TRIM37: variants seen among roughly 807,000 people sequenced by gnomAD.
The protein encoded by TRIM37 is E3 ubiquitin-protein ligase TRIM37.
Under a neutral mutation model 129.8 loss-of-function variants are expected in TRIM37, and 80 were observed. The ratio of observed to expected loss-of-function variants is 0.62; its 90% CI spans 0.51 to 0.74. TRIM37 has a LOEUF of 0.74. Ranked by LOEUF, TRIM37 falls within the 30% of genes least tolerant of loss-of-function variation. TRIM37 has a pLI of 0.00. For missense variants in TRIM37, 1,054 were observed against 1,176.5 expected (o/e 0.90, Z 1.52); for synonymous variants, 389 against 387.1 (o/e 1.00, Z -0.06).
At chr17:59,058,192 C>G (rs1012237861) in intron 12 of TRIM37, among the ~76,000 whole-genome samples, 3 of 152,266 alleles carry the variant, frequency 2.0e-5, no homozygotes, top group Admixed American at 2.0e-4. Context: ...AATAAGTATG[C>G]AGCCATAAAA....
chr17:58,976,454 G>A, the TRIM37 span, among the ~76,000 whole-genome samples: 1 of 152,060 alleles, frequency 6.6e-6, no homozygotes, highest in Non-Finnish European at 1.5e-5. Flanking sequence ...TAAAATGGGG[G>A]GCTGCAAAAG....
At chr17:59,045,466 C>T (rs145847347) in intron 16 of TRIM37, among the ~76,000 whole-genome samples, 2,030 of 151,596 alleles carry the variant, frequency 0.013, 24 homozygotes, top group Non-Finnish European at 0.022. Context: ...AGTGAAACCT[C>T]GTCTCTACTA....
intron 19 of TRIM37, 60 bp downstream of exon 19, chr17:59,028,355 C>A (rs1036393659): frequency 1.3e-6 from 2 of 1,509,524 alleles, no homozygotes; most frequent in Non-Finnish European, 1.8e-6. Context: ...TTTGAAAAAA[C>A]CAGTCATCTA....
the TRIM37 span, among the ~76,000 whole-genome samples, chr17:58,976,926 T>A: frequency 6.6e-6 from 1 of 152,152 alleles, no homozygotes; most frequent in South Asian, 2.1e-4. Context: ...TATAGTCAGG[T>A]AGAATAGGGG....
chr17:59,083,984 T>A lies in TRIM37; in HGVS notation c.369+18A>T. Reference sequence around the variant, plus strand: ...CTAGCCTCTAACTTAAAAAAAATACTGAATTTGTTCTGCTCACCATTCCTC... The same window carrying A: ...CTAGCCTCTAACTTAAAAAAAATACAGAATTTGTTCTGCTCACCATTCCTC... On this transcript the variant is annotated intron_variant, in intron 5 of 23. Coordinates refer to ENST00000262294, the MANE Select transcript of TRIM37 (RefSeq NM_015294.6). 1 of 1,606,990 alleles carries A rather than the reference T, an allele frequency of 6.2e-7. No homozygotes were observed. The highest frequency in any genetic ancestry group is 8.5e-7 in the Non-Finnish European group (1 of 1,173,708).
At chr17:59,056,851 A>T in intron 13 of TRIM37, 24 bp downstream of exon 13, 2 of 1,608,306 alleles carry the variant, frequency 1.2e-6, no homozygotes, top group Non-Finnish European at 1.7e-6. Context: ...AATAAAAACC[A>T]CAACATCAAA....
At chr17:58,982,045 C>T (rs2031385184), downstream of TRIM37, 1 of 152,464 alleles carries the variant, frequency 6.6e-6, no homozygotes, top group Admixed American at 6.6e-5. Context: ...AAAATTATTT[C>T]CCCCAAGGTA....
chr17:58,968,514 C>T, the TRIM37 span, among the ~76,000 whole-genome samples: 3 of 152,280 alleles, frequency 2.0e-5, no homozygotes, highest in East Asian at 1.9e-4. Flanking sequence ...GACAGCAACT[C>T]GTCCCTGCCT....
Position 59,015,650 on chromosome 17 carries a change from A to G in TRIM37, c.2536T>C (p.Leu846=). ...DAVVVAVFSG[L]PAVEKRRKMV... is the part of the protein sequence containing the mutation. ...TTCCTCCTTTTCTCAACCGCAGGCA[A>G]GCCACTGAAAACTGCAACCACAACA... is the stretch of plus-strand genomic sequence containing the variant. The change falls in exon 21 of 24, where the codon TTG becomes CTG. Residue 846 remains leucine, a synonymous_variant. Coordinates refer to ENST00000262294, the MANE Select transcript of TRIM37 (RefSeq NM_015294.6). 6.2e-7 allele frequency: 1 copy of G among 1,614,102 alleles called. No homozygotes were observed. The highest frequency in any genetic ancestry group is 8.5e-7 in the Non-Finnish European group (1 of 1,180,016).
chr17:59,056,802 G>A lies in TRIM37; in HGVS notation c.1199+73C>T. On this transcript the variant is annotated intron_variant, in intron 13 of 23. Coordinates refer to ENST00000262294, the MANE Select transcript of TRIM37 (RefSeq NM_015294.6). The stretch of plus-strand genomic sequence containing the variant: ...CAATATTCATCTTTGTTAACCAAAT[G>A]ATCTTTGAAATATAGTTCTGATGAT... 6 of 1,042,276 alleles carry A rather than the reference G, an allele frequency of 5.8e-6. No individual in the cohort carries two copies. The South Asian group carries it at 7.5e-5, about 13-fold the overall frequency. The allele number at this position is 1,042,276 out of a possible 1,614,324, so 64.6% of individuals were successfully genotyped here. A position where few individuals can be genotyped will look rare whatever the true frequency, so the allele number is the denominator to read the frequency against.
intron 24 of TRIM37, among the ~76,000 whole-genome samples, chr17:58,989,313 G>T (rs987165984): frequency 6.6e-5 from 10 of 152,156 alleles, no homozygotes; most frequent in African/African-American, 2.4e-4. Flanking sequence ...GTGCACACCT[G>T]TAGTCCCAGC....
intron 24 of TRIM37, chr17:58,984,951 T>C (rs2031657698): frequency 6.5e-6 from 1 of 152,694 alleles, no homozygotes. Context: ...CTTTGTTCTC[T>C]TGTTCATAAC....
downstream of TRIM37, among the ~76,000 whole-genome samples, chr17:58,995,576 A>C (rs764183021): frequency 2.0e-5 from 3 of 152,094 alleles, no homozygotes; most frequent in Non-Finnish European, 4.4e-5. Context: ...AGCTGATATA[A>C]ATAAGTAGCT....
At chr17:59,041,738 T>C in intron 17 of TRIM37, 75 bp downstream of exon 17, 1 of 1,136,142 alleles carries the variant, frequency 8.8e-7, no homozygotes, top group South Asian at 1.2e-5. Flanking sequence ...CTACCACCTA[T>C]TTAAAATATA....
intron 2 of TRIM37, among the ~76,000 whole-genome samples, chr17:59,097,889 C>T (rs1033109964): frequency 1.3e-5 from 2 of 152,168 alleles, no homozygotes; most frequent in Non-Finnish European, 2.9e-5. Context: ...AAGGCATGTA[C>T]AGAATCAATG....
chr17:59,043,617 G>T (rs1424567748), intron 16 of TRIM37, among the ~76,000 whole-genome samples: 1 of 152,082 alleles, frequency 6.6e-6, no homozygotes, highest in Non-Finnish European at 1.5e-5. Flanking sequence ...AGGCACACAC[G>T]GCCAAGAGGT....
intron 2 of TRIM37, among the ~76,000 whole-genome samples, chr17:59,100,938 C>A (rs1283540694): frequency 6.6e-6 from 1 of 151,260 alleles, no homozygotes; most frequent in East Asian, 1.9e-4. Flanking sequence ...AGGAGAATCA[C>A]TCGAACCCAG....
intron 2 of TRIM37, among the ~76,000 whole-genome samples, chr17:59,102,932 G>A (rs1163835144): frequency 6.6e-6 from 1 of 152,100 alleles, no homozygotes; most frequent in Non-Finnish European, 1.5e-5. Context: ...GAGTGCAGTG[G>A]CACCATCTCT....
intron 13 of TRIM37, 92 bp from the exon 14 acceptor site, chr17:59,051,420 T>G: frequency 1.2e-6 from 1 of 844,168 alleles, no homozygotes; most frequent in Non-Finnish European, 2.0e-6. Flanking sequence ...TTAACTTGAT[T>G]ATAAGGCCAA....
Sources: gnomAD v4.1 joint callset for allele counts (sites outside exome capture counted in the v4.1 genomes callset) on GRCh38, gnomAD v4.1.1 for gene constraint, MANE v1.5 for transcripts, NCBI Gene and HGNC (gene_info 2026-07-23, HGNC 2026-07-21) for gene names.